Variants in ZNF804B observed in about 807,000 individuals in gnomAD.
ZNF804B encodes zinc finger 804B.
In ZNF804B, 80 loss-of-function variants were observed where a neutral mutation model predicts 101.4. The observed-to-expected ratio is 0.79, with a 90% CI of 0.66 to 0.95. The LOEUF (loss-of-function observed/expected upper bound fraction) is 0.95, where lower values mean the gene tolerates loss of function less well. Ranked by LOEUF, ZNF804B falls within the 40% of genes least tolerant of loss-of-function variation. The probability of loss-of-function intolerance (pLI) is 0.00; values close to 1 mark genes in which losing one functional copy is unlikely to be tolerated. For synonymous variants in ZNF804B, 622 were observed against 558.8 expected, an observed-to-expected ratio of 1.11 and a Z score of -1.59; for missense variants, 1,673 against 1,561.9, an observed-to-expected ratio of 1.07 and a Z score of -1.20.
At chr7:89,100,803 C>T (rs1790042940) in intron 1 of ZNF804B, among the ~76,000 whole-genome samples, 1 of 151,762 alleles carries the variant, frequency 6.6e-6, no homozygotes. Flanking sequence ...TGGAATATTC[C>T]ATTGTATGCC....
chr7:89,130,457 G>C (rs2116378685), intron 1 of ZNF804B, among the ~76,000 whole-genome samples: 1 of 152,078 alleles, frequency 6.6e-6, no homozygotes, highest in Middle Eastern at 3.4e-3. Flanking sequence ...AGGAACTAGA[G>C]AGGGGGCATC....
Position 88,957,157 on chromosome 7 carries a change from A to G in ZNF804B, c.108+197073A>G, listed in dbSNP as rs1793322325. On this transcript the variant is annotated intron_variant, in intron 1 of 3. Transcript: ENST00000333190. ...GAAAGGAAGCCCATTTAAAGTAGAA[A>G]CTTCTGGCCCCTTTGGCGCTTTATG... Among the ~76,000 whole-genome samples, 4 of 151,404 alleles carry G rather than the reference A, an allele frequency of 2.6e-5. No individual in the cohort carries two copies. The South Asian group carries it at 8.3e-4, about 31-fold the overall frequency.
At chr7:88,853,927 A>G (rs1256889751) in intron 1 of ZNF804B, among the ~76,000 whole-genome samples, 1 of 152,258 alleles carries the variant, frequency 6.6e-6, no homozygotes, top group East Asian at 1.9e-4. Context: ...ATAAGATTAA[A>G]ACGTTTCGAG....
At chr7:88,817,236 TG>T (rs375719651) in intron 1 of ZNF804B, among the ~76,000 whole-genome samples, 3,145 of 151,684 alleles carry the variant, frequency 0.021, 104 homozygotes, top group African/African-American at 0.072. Flanking sequence ...TGTTGTGGGA[TG>T]GGGGGATGGG....
At chr7:89,265,283 T>C (rs56033080) in intron 2 of ZNF804B, among the ~76,000 whole-genome samples, 32 of 44,584 alleles carry the variant, frequency 7.2e-4, no homozygotes, top group South Asian at 5.1e-3. Context: ...TGTGTGTGTG[T>C]GTGTGTGTGT....
At chr7:89,199,427 A>G (rs1788599175) in intron 1 of ZNF804B, among the ~76,000 whole-genome samples, 1 of 152,016 alleles carries the variant, frequency 6.6e-6, no homozygotes, top group Admixed American at 6.6e-5. Context: ...AAAAGACAAA[A>G]TAACCCAAAA....
intron 2 of ZNF804B, among the ~76,000 whole-genome samples, chr7:89,286,860 A>G (rs150783856): frequency 9.8e-4 from 150 of 152,306 alleles, no homozygotes; most frequent in African/African-American, 3.4e-3. Context: ...AAAGCAAAAT[A>G]TAGACAGAAA....
chr7:88,883,012 T>G (rs1353200651), intron 1 of ZNF804B, among the ~76,000 whole-genome samples: 2 of 151,984 alleles, frequency 1.3e-5, no homozygotes, highest in African/African-American at 2.4e-5. Context: ...AAATGAAAAT[T>G]GAAATTAAAA....
chr7:88,775,160 A>G (rs1403259067), intron 1 of ZNF804B, among the ~76,000 whole-genome samples: 1 of 152,222 alleles, frequency 6.6e-6, no homozygotes, highest in African/African-American at 2.4e-5. Context: ...AAGATAAGTA[A>G]CTGATTCTAA....
At chr7:89,050,710 C>T (rs1313494827) in intron 1 of ZNF804B, among the ~76,000 whole-genome samples, 1 of 152,060 alleles carries the variant, frequency 6.6e-6, no homozygotes, top group African/African-American at 2.4e-5. Flanking sequence ...TTTTCTTCCT[C>T]TTTCTGCTTT....
chr7:89,292,154 C>A (rs906162955), intron 2 of ZNF804B, among the ~76,000 whole-genome samples: 9 of 151,858 alleles, frequency 5.9e-5, no homozygotes, highest in African/African-American at 2.2e-4. Context: ...AATAAAGGAA[C>A]TTTTTCAAAC....
At chr7:88,944,253 T>G (rs13231899) in intron 1 of ZNF804B, among the ~76,000 whole-genome samples, 4,506 of 151,868 alleles carry the variant, frequency 0.03, 88 homozygotes, top group South Asian at 0.057. Flanking sequence ...ATATCGTTGT[T>G]AGGACTTGGA....
chr7:88,791,508 A>C (rs948273918), intron 1 of ZNF804B, among the ~76,000 whole-genome samples: 3 of 152,140 alleles, frequency 2.0e-5, no homozygotes, highest in Admixed American at 6.6e-5. Context: ...AAAAATGATT[A>C]AGATTGTTAA....
intron 1 of ZNF804B, among the ~76,000 whole-genome samples, chr7:88,870,384 C>CAAAAA (rs1212123301): frequency 1.1e-4 from 4 of 36,074 alleles, no homozygotes; most frequent in Admixed American, 3.0e-4. Flanking sequence ...AACTCCGTCT[C>CAAAAA]AAAAAAAAAA....
chr7:88,981,181 G>A (rs773575664), intron 1 of ZNF804B, among the ~76,000 whole-genome samples: 7 of 152,050 alleles, frequency 4.6e-5, no homozygotes, highest in Non-Finnish European at 7.4e-5. Context: ...TACCACTGAC[G>A]TTTATTCAAG....
intron 1 of ZNF804B, among the ~76,000 whole-genome samples, chr7:89,215,389 A>G (rs1466304224): frequency 6.6e-6 from 1 of 152,188 alleles, no homozygotes; most frequent in African/African-American, 2.4e-5. Flanking sequence ...ACTCTTGACC[A>G]TTGAACTACT....
chr7:88,885,096 G>A (rs184475208), intron 1 of ZNF804B, among the ~76,000 whole-genome samples: 1 of 152,028 alleles, frequency 6.6e-6, no homozygotes, highest in Non-Finnish European at 1.5e-5. Context: ...TTGAAATGCA[G>A]CATTAGATTT....
intron 1 of ZNF804B, among the ~76,000 whole-genome samples, chr7:89,012,977 C>G (rs562263652): frequency 3.4e-4 from 51 of 152,222 alleles, no homozygotes; most frequent in African/African-American, 1.2e-3. Context: ...GGCACATCTT[C>G]CCAGGATGGC....
intron 1 of ZNF804B, among the ~76,000 whole-genome samples, chr7:88,894,675 T>TA (rs1290106116): frequency 6.6e-6 from 1 of 152,028 alleles, no homozygotes; most frequent in Non-Finnish European, 1.5e-5. Context: ...TATTCAATGA[T>TA]AAAAAGAAAT....
Sources: allele counts gnomAD v4.1 joint callset (sites outside exome capture counted in the v4.1 genomes callset), GRCh38; gene constraint gnomAD v4.1.1; transcripts MANE v1.5; gene names NCBI Gene and HGNC (gene_info 2026-07-23, HGNC 2026-07-21).